PTPRD: variants seen among roughly 807,000 people sequenced by gnomAD.
The protein encoded by PTPRD is receptor-type tyrosine-protein phosphatase delta.
A neutral mutation model predicts 214.5 loss-of-function variants in PTPRD; 34 were observed. The observed-to-expected ratio is 0.16, with a 90% confidence interval of 0.12 to 0.21. PTPRD has a LOEUF of 0.21. Ranked by LOEUF, PTPRD falls within the 10% of genes least tolerant of loss-of-function variation. The probability of loss-of-function intolerance (pLI) is 1.00; values close to 1 mark genes in which losing one functional copy is unlikely to be tolerated. For synonymous variants in PTPRD, 1,128 were observed against 845.7 expected (o/e 1.33, Z -5.79); for missense variants, 2,545 against 2,398.7 (o/e 1.06, Z -1.27).
In PTPRD at chr9:8,341,916, T is replaced by C. The variant is rs1234575426; in HGVS notation, c.4724A>G (p.His1575Arg). Residue 1575 changes from histidine to arginine, a missense_variant, in exon 40 of 46, where the codon CAT (histidine) becomes CGT (arginine). Transcript: ENST00000381196. ...VIDAMLERIKHEKTVDIYGHV... is the reference protein window; with the variant it reads ...VIDAMLERIKREKTVDIYGHV... ...GCCATAAATATCTACAGTTTTTTCA[T>C]GCTTTATTCTTTCTAACATGGCATC... is the stretch of plus-strand genomic sequence containing the variant. 3 of 1,613,284 alleles carry C rather than the reference T, an allele frequency of 1.9e-6. No individual in the cohort carries two copies. Among genetic ancestry groups the C allele is most frequent in the African/African-American group, 1.3e-5 (1 of 74,954 alleles).
intron 9 of PTPRD, among the ~76,000 whole-genome samples, chr9:9,322,041 G>C (rs117214196): frequency 2.6e-5 from 4 of 152,130 alleles, no homozygotes; most frequent in African/African-American, 7.2e-5. Context: ...ATCACTAGAA[G>C]TTCTGATTTC....
At chr9:9,597,797 C>T (rs1012443107) in intron 7 of PTPRD, among the ~76,000 whole-genome samples, 1 of 151,898 alleles carries the variant, frequency 6.6e-6, no homozygotes, top group Non-Finnish European at 1.5e-5. Flanking sequence ...TTGGAATATA[C>T]ATATTCATTT....
At chr9:8,565,241 GA>G (rs2088500088) in intron 14 of PTPRD, among the ~76,000 whole-genome samples, 1 of 152,166 alleles carries the variant, frequency 6.6e-6, no homozygotes, top group South Asian at 2.1e-4. Flanking sequence ...TACACTGCCA[GA>G]TATGACAACT....
At chr9:10,284,941 C>A (rs2095293571) in intron 3 of PTPRD, among the ~76,000 whole-genome samples, 2 of 152,304 alleles carry the variant, frequency 1.3e-5, no homozygotes, top group South Asian at 4.1e-4. Flanking sequence ...ATAACATAAT[C>A]TGAATGAGTC....
chr9:8,662,702 T>C (rs1291310237), intron 12 of PTPRD, among the ~76,000 whole-genome samples: 1 of 152,202 alleles, frequency 6.6e-6, no homozygotes, highest in East Asian at 1.9e-4. Context: ...ATCAGGACCA[T>C]TTTTTCACTT....
At chr9:10,445,484 T>C (rs1221783568) in intron 2 of PTPRD, among the ~76,000 whole-genome samples, 1 of 151,900 alleles carries the variant, frequency 6.6e-6, no homozygotes, top group Admixed American at 6.6e-5. Context: ...ATTTGAAAAA[T>C]GGCAACAGAA....
Position 8,352,233 on chromosome 9 carries a change from G to C in PTPRD, c.4662-10255C>G, listed in dbSNP as rs191213501. ...GATAAATTAGAAGGCTAATGTGTTC[G>C]CGTAAAGAACACCTGAATATGCCGC... On this transcript the variant is annotated intron_variant, in intron 39 of 45. Transcript: ENST00000381196. Among the ~76,000 whole-genome samples the C allele has an allele frequency of 1.1e-3, 167 of 152,140 alleles. 2 individuals are homozygous for C. The highest frequency in any genetic ancestry group is 1.9e-3 in the South Asian group (9 of 4,816).
chr9:10,088,944 A>G (rs922429753), intron 3 of PTPRD, among the ~76,000 whole-genome samples: 3 of 151,604 alleles, frequency 2.0e-5, no homozygotes, highest in Non-Finnish European at 1.5e-5. Context: ...AATAGATTGT[A>G]TGTTTTAAAG....
At chr9:9,025,812 T>C (rs2099585086) in intron 10 of PTPRD, among the ~76,000 whole-genome samples, 1 of 152,022 alleles carries the variant, frequency 6.6e-6, no homozygotes, top group South Asian at 2.1e-4. Context: ...TACTTATCTT[T>C]CATAACTGCG....
chr9:10,583,314 T>C (rs1005961540), intron 2 of PTPRD, among the ~76,000 whole-genome samples: 2 of 151,814 alleles, frequency 1.3e-5, no homozygotes, highest in Non-Finnish European at 2.9e-5. Flanking sequence ...GGTATGCTTT[T>C]CTGTGTATTG....
intron 10 of PTPRD, among the ~76,000 whole-genome samples, chr9:9,139,669 G>A (rs1180214315): frequency 6.6e-6 from 1 of 152,116 alleles, no homozygotes; most frequent in Non-Finnish European, 1.5e-5. Context: ...TTTTCATCAT[G>A]CTTCTCAGAA....
At chr9:9,574,150 A>T (rs1255683993) in intron 8 of PTPRD, among the ~76,000 whole-genome samples, 1 of 151,954 alleles carries the variant, frequency 6.6e-6, no homozygotes, top group South Asian at 2.1e-4. Flanking sequence ...TCTGTAGTCA[A>T]TTATTAATAT....
intron 27 of PTPRD, 151 bp downstream of exon 27, chr9:8,492,711 T>G (rs2097176193): frequency 2.2e-6 from 1 of 454,574 alleles, no homozygotes; most frequent in South Asian, 6.1e-5. Flanking sequence ...CTATTTTTTT[T>G]TTTTTACCCC....
At chr9:10,254,337 C>T (rs1364999972) in intron 3 of PTPRD, among the ~76,000 whole-genome samples, 1 of 152,058 alleles carries the variant, frequency 6.6e-6, no homozygotes, top group Admixed American at 6.6e-5. Context: ...TGGATTTTTC[C>T]CCTGGTAATA....
rs952348778 is a variant in PTPRD at position 9,827,495 on chromosome 9, C to A, written c.-367-60644G>T. 2.6e-5 allele frequency among the ~76,000 whole-genome samples: 4 copies of A among 152,026 alleles called. No homozygotes were observed. In the South Asian group the frequency reaches 6.2e-4, roughly 24 times the overall value. On this transcript the variant is annotated intron_variant, in intron 5 of 45. Coordinates refer to ENST00000381196, the MANE Select transcript of PTPRD (RefSeq NM_002839.4). ...CTGGATCCCTTCCTTACACTTTATA[C>A]AAAAATTAATTCAAGATGGATTAAA...
chr9:8,324,993 A>G (rs1367780763), intron 44 of PTPRD, among the ~76,000 whole-genome samples: 1 of 151,998 alleles, frequency 6.6e-6, no homozygotes, highest in Non-Finnish European at 1.5e-5. Flanking sequence ...GATTCTGGAT[A>G]TTAGCCCTTT....
chr9:9,674,222 G>C (rs2096886226), intron 7 of PTPRD, among the ~76,000 whole-genome samples: 1 of 151,778 alleles, frequency 6.6e-6, no homozygotes, highest in Non-Finnish European at 1.5e-5. Context: ...GATAGGCATT[G>C]TTCAGGTATT....
At chr9:9,233,701 A>G (rs1355639663) in intron 9 of PTPRD, among the ~76,000 whole-genome samples, 3 of 152,256 alleles carry the variant, frequency 2.0e-5, no homozygotes, top group African/African-American at 7.2e-5. Context: ...AGACCAAAAA[A>G]AGGGGCTATA....
chr9:10,510,376 C>A (rs34479462), intron 2 of PTPRD, among the ~76,000 whole-genome samples: 1 of 152,084 alleles, frequency 6.6e-6, no homozygotes, highest in African/African-American at 2.4e-5. Flanking sequence ...CTGAAGTTCA[C>A]CACTACTGTC....
Sources: gnomAD v4.1 joint callset for allele counts (sites outside exome capture counted in the v4.1 genomes callset) on GRCh38, gnomAD v4.1.1 for gene constraint, MANE v1.5 for transcripts, NCBI Gene and HGNC (gene_info 2026-07-23, HGNC 2026-07-21) for gene names.